Variants in GLIS1 observed in about 807,000 individuals in gnomAD.
GLIS1 encodes the protein GLIS family zinc finger 1, also known as zinc finger protein GLIS1.
Under a neutral mutation model 63.8 loss-of-function variants are expected in GLIS1, and 24 were observed. The observed-to-expected ratio is 0.38, with a 90% CI of 0.27 to 0.53. The LOEUF is 0.53. GLIS1 is among the 20% of genes least tolerant of loss of function. The pLI is 0.85. For missense variants in GLIS1, 1,036 were observed against 1,074.1 expected, an observed-to-expected ratio of 0.96 and a Z score of 0.50; for synonymous variants, 450 against 482.5, an observed-to-expected ratio of 0.93 and a Z score of 0.88.
chr1:53,649,583 A>C lies in GLIS1; in HGVS notation c.260-49305T>G, dbSNP rs568975708. 5.6e-4 allele frequency among the ~76,000 whole-genome samples: 86 copies of C among 152,364 alleles called. 1 individual carries two copies. The South Asian group carries it at 0.017, about 30-fold the overall frequency. On this transcript the variant is annotated intron_variant, in intron 2 of 10. Coordinates refer to ENST00000628545, the MANE Select transcript of GLIS1 (RefSeq NM_001367484.1). ...ACTGGTGATGCTGGAAGTGCTCCCA[A>C]GAAGCAGAGAAAAGTCATGACATGA... is the stretch of plus-strand genomic sequence containing the variant.
intron 10 of GLIS1, 135 bp from the exon 11 acceptor site, chr1:53,506,911 G>A (rs1644240244): frequency 1.1e-6 from 1 of 921,564 alleles, no homozygotes; most frequent in African/African-American, 1.7e-5. Context: ...CCTGCTTGGA[G>A]CCCCCAACTT....
chr1:53,555,531 AAAAAACAAAAAC>A (rs554224973), intron 4 of GLIS1, among the ~76,000 whole-genome samples: 4 of 152,304 alleles, frequency 2.6e-5, no homozygotes, highest in East Asian at 3.9e-4. Flanking sequence ...CTCTGTCTCA[AAAAAACAAAAAC>A]AAAAACAAAA....
At chr1:53,565,006 C>CA (rs1644925010) in intron 4 of GLIS1, among the ~76,000 whole-genome samples, 1 of 151,862 alleles carries the variant, frequency 6.6e-6, no homozygotes, top group South Asian at 2.1e-4. Context: ...GCAACATTTA[C>CA]AAAAAACTGC....
At chr1:53,582,438 G>A (rs190927536) in intron 4 of GLIS1, among the ~76,000 whole-genome samples, 6 of 152,334 alleles carry the variant, frequency 3.9e-5, no homozygotes, top group Non-Finnish European at 7.3e-5. Flanking sequence ...ATTTTGACAC[G>A]TGTGGTCTAC....
intron 2 of GLIS1, among the ~76,000 whole-genome samples, chr1:53,687,792 C>A (rs1646355752): frequency 6.6e-6 from 1 of 152,190 alleles, no homozygotes; most frequent in Non-Finnish European, 1.5e-5. Context: ...GTGTTCTCTG[C>A]CCCAGGCCCC....
chr1:53,559,650 G>A (rs995253306), intron 4 of GLIS1, among the ~76,000 whole-genome samples: 1 of 152,126 alleles, frequency 6.6e-6, no homozygotes, highest in Non-Finnish European at 1.5e-5. Flanking sequence ...GCCTGGTCCT[G>A]AGCCCCTGCG....
intron 2 of GLIS1, among the ~76,000 whole-genome samples, chr1:53,689,069 C>A (rs902966155): frequency 6.6e-6 from 1 of 152,232 alleles, no homozygotes; most frequent in South Asian, 2.1e-4. Context: ...TGAGCACATT[C>A]TCTCAGGTCG....
intron 2 of GLIS1, among the ~76,000 whole-genome samples, chr1:53,673,121 GTC>G (rs1366718525): frequency 3.9e-5 from 6 of 152,136 alleles, no homozygotes; most frequent in Admixed American, 1.3e-4. Context: ...TCCAATCTGG[GTC>G]CCCACAAGCC....
intron 2 of GLIS1, among the ~76,000 whole-genome samples, chr1:53,624,801 T>C (rs189574759): frequency 2.8e-4 from 43 of 152,240 alleles, no homozygotes; most frequent in African/African-American, 9.9e-4. Flanking sequence ...TACATATATA[T>C]CTCCAACAAG....
intron 6 of GLIS1, among the ~76,000 whole-genome samples, chr1:53,523,133 G>A (rs2478979): frequency 0.14 from 20,837 of 151,744 alleles, 4,575 homozygotes; most frequent in African/African-American, 0.47. Context: ...ATGAGATACA[G>A]GATATGAAGC....
rs201662227 is a variant in GLIS1 at position 53,524,850 on chromosome 1, C to A, written c.1520G>T (p.Arg507Leu). ...GCGGAGGGAGCTGGGGTCTGTGTAG[C>A]GCTTGGAGCAGCCAGGGATCTGACA... Reference protein sequence around the residue: ...YACQIPGCSKRYTDPSSLRKH... With the variant: ...YACQIPGCSKLYTDPSSLRKH... The change falls in exon 6 of 11, where the codon CGC becomes CTC. Residue 507 changes from arginine (R) to leucine (L), a missense_variant. By Grantham distance (102) the Arg-to-Leu change is moderately radical (BLOSUM62 -2). Transcript: ENST00000628545. The A allele has an allele frequency of 6.2e-7, 1 of 1,612,360 alleles. No homozygotes were observed. The highest frequency in any genetic ancestry group is 1.7e-5 in the Admixed American group (1 of 59,990).
At chr1:53,733,920 C>A in intron 2 of GLIS1, 2 of 985,298 alleles carry the variant, frequency 2.0e-6, no homozygotes, top group African/African-American at 3.5e-5. Flanking sequence ...ATGAGGGATG[C>A]GCTAGCCTTC....
At chr1:53,561,271 T>C (rs1245239836) in intron 4 of GLIS1, among the ~76,000 whole-genome samples, 1 of 152,172 alleles carries the variant, frequency 6.6e-6, no homozygotes, top group Non-Finnish European at 1.5e-5. Flanking sequence ...TAAGAATATA[T>C]TGCATTTATA....
chr1:53,518,702 C>A (rs910064769), intron 7 of GLIS1, among the ~76,000 whole-genome samples: 9 of 152,222 alleles, frequency 5.9e-5, no homozygotes, highest in Non-Finnish European at 7.3e-5. Flanking sequence ...GATGAGGACT[C>A]AGCTGATTCT....
rs780087307 is a variant in GLIS1, at chr1:53,594,563, C to G, written c.865G>C (p.Gly289Arg). ...GGCCGGGCCCGCTTGGAAGGGCCCC[C>G]CAGATCTCCCGTCAGAGGGGGGCTC... is the stretch of plus-strand genomic sequence containing the variant. ...LRSPPLTGDLGGPSKRARPGP... is the reference protein window; with the variant it reads ...LRSPPLTGDLRGPSKRARPGP... The change falls in exon 4 of 11, where the codon GGG becomes CGG. Residue 289 changes from glycine to arginine, a missense_variant. By Grantham distance (125) the Gly-to-Arg change is moderately radical. Transcript: ENST00000628545. 6.3e-7 allele frequency: 1 copy of G among 1,599,366 alleles called. No individual in the cohort carries two copies. The highest frequency in any genetic ancestry group is 1.3e-5 in the African/African-American group (1 of 74,588).
intron 3 of GLIS1, among the ~76,000 whole-genome samples, chr1:53,595,702 A>G (rs1645248806): frequency 6.6e-6 from 1 of 152,144 alleles, no homozygotes; most frequent in Non-Finnish European, 1.5e-5. Flanking sequence ...TTCCACTTAC[A>G]TGTCCTTTAA....
intron 2 of GLIS1, among the ~76,000 whole-genome samples, chr1:53,724,146 T>G (rs906596291): frequency 3.3e-5 from 5 of 152,216 alleles, no homozygotes; most frequent in African/African-American, 1.2e-4. Flanking sequence ...CAGCCCCATC[T>G]CAACACTTCT....
At chr1:53,509,416 G>A in intron 9 of GLIS1, 129 bp from the exon 10 acceptor site, 2 of 1,020,990 alleles carry the variant, frequency 2.0e-6, no homozygotes, top group Non-Finnish European at 2.8e-6. Flanking sequence ...GAGAGAGAGA[G>A]GAGGGCCCAG....
chr1:53,639,645 G>A lies in GLIS1; in HGVS notation c.260-39367C>T, dbSNP rs1569967596. Among the ~76,000 whole-genome samples the A allele has an allele frequency of 6.6e-6, 1 of 152,062 alleles. No individual in the cohort carries two copies. Among genetic ancestry groups the A allele is most frequent in the African/African-American group, 2.4e-5 (1 of 41,378 alleles). On this transcript the variant is annotated intron_variant, in intron 2 of 10. Transcript: ENST00000628545. The surrounding 1 kb of genome is among the most constrained non-coding windows in gnomAD (Gnocchi z 4.6). Reference sequence around the variant, plus strand: ...CCTGTCTTACCTCGGAGACAGGGTGGGGCTTTTTTTTTCCAGCCCGCTATC... The same window carrying A: ...CCTGTCTTACCTCGGAGACAGGGTGAGGCTTTTTTTTTCCAGCCCGCTATC...
Sources: allele counts gnomAD v4.1 joint callset (sites outside exome capture counted in the v4.1 genomes callset), GRCh38; gene constraint gnomAD v4.1.1; non-coding constraint Gnocchi (gnomAD v3.1); transcripts MANE v1.5; gene names NCBI Gene and HGNC (gene_info 2026-07-23, HGNC 2026-07-21).